Variants in DTHD1 observed in about 807,000 individuals in gnomAD.
The protein encoded by DTHD1 is death domain-containing protein 1.
DTHD1 carries 59 observed loss-of-function variants against 74.8 expected under a neutral mutation model. That is an observed-to-expected ratio of 0.79 (90% confidence interval 0.64 to 0.98). DTHD1 has a LOEUF of 0.98. Among genes scored for constraint, DTHD1 ranks in the 50% least tolerant of loss-of-function variants. DTHD1 has a pLI of 0.00. For synonymous variants in DTHD1, 365 were observed against 371.1 expected, an observed-to-expected ratio of 0.98 and a Z score of 0.19; for missense variants, 1,051 against 1,065.4, an observed-to-expected ratio of 0.99 and a Z score of 0.19.
At chr4:36,336,570 T>C (rs1336089269) in intron 8 of DTHD1, among the ~76,000 whole-genome samples, 1 of 152,202 alleles carries the variant, frequency 6.6e-6, no homozygotes, top group Non-Finnish European at 1.5e-5. Context: ...ATCACCCATT[T>C]GGAGGTCCAG....
At chr4:36,326,020 G>A (rs1215935879) in intron 8 of DTHD1, among the ~76,000 whole-genome samples, 1 of 152,010 alleles carries the variant, frequency 6.6e-6, no homozygotes, top group Non-Finnish European at 1.5e-5. Context: ...GGCATATAGG[G>A]CCCATTGCAA....
At chr4:36,342,227 C>G (rs925508901) in intron 9 of DTHD1, among the ~76,000 whole-genome samples, 3 of 152,174 alleles carry the variant, frequency 2.0e-5, no homozygotes, top group African/African-American at 7.2e-5. Flanking sequence ...GGTAGCAGAA[C>G]TCTGGGTTGA....
chr4:36,320,441 G>T (rs918504795), intron 8 of DTHD1, among the ~76,000 whole-genome samples: 1 of 152,206 alleles, frequency 6.6e-6, no homozygotes, highest in Non-Finnish European at 1.5e-5. Flanking sequence ...CCTTGAAATT[G>T]ATAATCCTGA....
intron 2 of DTHD1, among the ~76,000 whole-genome samples, chr4:36,288,483 A>G (rs1040928241): frequency 6.6e-6 from 1 of 152,134 alleles, no homozygotes; most frequent in Admixed American, 6.5e-5. Context: ...TGATTTTTGT[A>G]TAAGGTGAGA....
rs546769283 is a variant in DTHD1, at chr4:36,319,549, T to A, written c.2340+3063T>A. On this transcript the variant is annotated intron_variant, in intron 8 of 9. Coordinates refer to ENST00000639862, the MANE Select transcript of DTHD1 (RefSeq NM_001170700.3). ...ACGTTGCTTTGCTGCCATAAGAGGA[T>A]GAAAGGGAGACAAGCCAGTGGTGGT... Among the ~76,000 whole-genome samples, 10 of 152,130 alleles carry A rather than the reference T, an allele frequency of 6.6e-5. No individual in the cohort carries two copies. The South Asian group carries it at 1.9e-3, about 28-fold the overall frequency.
intron 8 of DTHD1, among the ~76,000 whole-genome samples, chr4:36,326,883 A>G (rs1758378602): frequency 6.6e-6 from 1 of 152,128 alleles, no homozygotes; most frequent in Non-Finnish European, 1.5e-5. Context: ...TCCCAGAAAC[A>G]TTCAGATTAC....
chr4:36,328,158 T>C (rs1311869780), intron 8 of DTHD1, among the ~76,000 whole-genome samples: 1 of 152,232 alleles, frequency 6.6e-6, no homozygotes, highest in Non-Finnish European at 1.5e-5. Context: ...TGATTGGTAG[T>C]AGCCTGATTT....
intron 2 of DTHD1, among the ~76,000 whole-genome samples, chr4:36,289,103 A>G (rs1261078390): frequency 6.6e-6 from 1 of 152,198 alleles, no homozygotes; most frequent in Non-Finnish European, 1.5e-5. Context: ...AAGTAATTGA[A>G]AAACGTCTAA....
chr4:36,343,842 C>G lies in DTHD1; in HGVS notation c.*18C>G. On this transcript the variant is annotated 3_prime_UTR_variant, in exon 10 of 10. Coordinates refer to ENST00000639862, the MANE Select transcript of DTHD1 (RefSeq NM_001170700.3). ...CTGAGTAAAAGCCTGATCTCTCTTC[C>G]TTTACCCCTAGGAAAAGGCACACGG... 5 of 1,523,654 alleles carry G rather than the reference C, an allele frequency of 3.3e-6. No individual in the cohort carries two copies. The highest frequency in any genetic ancestry group is 4.4e-6 in the Non-Finnish European group (5 of 1,132,896). The allele number at this position is 1,523,654 out of a possible 1,614,324, so 94.4% of individuals were successfully genotyped here. A position where few individuals can be genotyped will look rare whatever the true frequency, so the allele number is the denominator to read the frequency against.
At chr4:36,287,248 G>A (rs1755766699) in intron 2 of DTHD1, among the ~76,000 whole-genome samples, 1 of 152,138 alleles carries the variant, frequency 6.6e-6, no homozygotes, top group African/African-American at 2.4e-5. Flanking sequence ...CCATTCCTGA[G>A]TAACTTCAGT....
chr4:36,341,662 C>T (rs1320020424), intron 9 of DTHD1, among the ~76,000 whole-genome samples: 1 of 152,056 alleles, frequency 6.6e-6, no homozygotes, highest in Non-Finnish European at 1.5e-5. Context: ...CTCAGGCAGC[C>T]CAGGTAACTG....
chr4:36,294,456 A>G (rs902966116), intron 4 of DTHD1, among the ~76,000 whole-genome samples: 5 of 152,024 alleles, frequency 3.3e-5, no homozygotes, highest in Admixed American at 6.6e-5. Context: ...GTTTCTAAAG[A>G]TCACTTGATC....
chr4:36,291,308 G>A (rs1000792624), intron 3 of DTHD1, among the ~76,000 whole-genome samples: 3 of 152,188 alleles, frequency 2.0e-5, no homozygotes, highest in African/African-American at 7.2e-5. Context: ...TAAACTTGCT[G>A]TGACTCAGTT....
At chr4:36,334,993 A>G (rs1758926263) in intron 8 of DTHD1, among the ~76,000 whole-genome samples, 1 of 152,236 alleles carries the variant, frequency 6.6e-6, no homozygotes, top group Admixed American at 6.5e-5. Context: ...AGGGCACAAT[A>G]AATCAGTGAA....
In DTHD1 at chr4:36,343,691, C is replaced by G; in HGVS notation, c.2588C>G (p.Thr863Ser). The G allele has an allele frequency of 6.4e-7, 1 of 1,551,738 alleles. No homozygotes were observed. Among genetic ancestry groups the G allele is most frequent in the Non-Finnish European group, 8.7e-7 (1 of 1,146,948 alleles). ...CFWKKSLPTFTDKLRLLARHL... is the reference protein window; with the variant it reads ...CFWKKSLPTFSDKLRLLARHL... ...TGGAAAAAATCGCTTCCAACTTTCA[C>G]CGACAAACTTCGCCTCCTGGCTCGA... Residue 863 changes from threonine to serine, a missense_variant, in exon 10 of 10, where the codon ACC becomes AGC. Physicochemically the swap from Thr to Ser is moderately conservative, Grantham distance 58. Transcript: ENST00000639862.
chr4:36,281,849 G>C lies in DTHD1; in HGVS notation c.91G>C (p.Gly31Arg). 2 of 1,261,118 alleles carry C rather than the reference G, an allele frequency of 1.6e-6. No individual in the cohort carries two copies. Among genetic ancestry groups the C allele is most frequent in the Non-Finnish European group, 2.0e-6 (2 of 1,001,230 alleles). 78.1% of individuals were successfully genotyped at this position (1,261,118 alleles called of 1,614,324 possible). Residue 31 changes from glycine (G) to arginine (R), a missense_variant, in exon 1 of 10, where the codon GGT (glycine) becomes CGT (arginine). Coordinates refer to ENST00000639862, the MANE Select transcript of DTHD1 (RefSeq NM_001170700.3). ...QNQMLKQALL[G>R]DDLCEGAGGA... ...CCAGATGCTAAAGCAGGCACTCTTG[G>C]GTGATGACCTTTGTGAGGGGGCTGG...
Position 36,294,967 on chromosome 4 carries a change from T to C in DTHD1, c.1571T>C (p.Leu524Pro). ...TCTCCATACCTTGATAAAAACAACCTTGGTTCTGAGATAGATCATAAAAGA... is the reference window on the plus strand; with the variant it reads ...TCTCCATACCTTGATAAAAACAACCCTGGTTCTGAGATAGATCATAAAAGA... ...PCSPYLDKNN[L>P]GSEIDHKRRA... Residue 524 changes from leucine (L) to proline (P), a missense_variant, in exon 5 of 10, where the codon CTT becomes CCT. Transcript: ENST00000639862. 1.3e-6 allele frequency: 2 copies of C among 1,551,554 alleles called. No homozygotes were observed. Among genetic ancestry groups the C allele is most frequent in the East Asian group, 4.9e-5 (2 of 40,872 alleles).
At chr4:36,328,708 TA>T (rs1291223284) in intron 8 of DTHD1, among the ~76,000 whole-genome samples, 3 of 152,226 alleles carry the variant, frequency 2.0e-5, no homozygotes, top group Admixed American at 6.5e-5. Context: ...AATGCTTCTC[TA>T]AGAGGTAAAA....
chr4:36,293,454 C>A, intron 3 of DTHD1, 72 bp from the exon 4 acceptor site: 1 of 1,239,768 alleles, frequency 8.1e-7, no homozygotes, highest in Non-Finnish European at 1.0e-6. Flanking sequence ...TTTGACAATC[C>A]ATAGAGTCTA....
Sources: gnomAD v4.1 joint callset for allele counts (sites outside exome capture counted in the v4.1 genomes callset) on GRCh38, gnomAD v4.1.1 for gene constraint, MANE v1.5 for transcripts, NCBI Gene and HGNC (gene_info 2026-07-23, HGNC 2026-07-21) for gene names.